Variants in RAD51B observed in about 807,000 individuals in gnomAD.
The protein encoded by RAD51B is DNA repair protein RAD51 homolog 2.
A neutral mutation model predicts 42.2 loss-of-function variants in RAD51B; 38 were observed. That is an observed-to-expected ratio of 0.90 (90% CI 0.70 to 1.18). The LOEUF (loss-of-function observed/expected upper bound fraction) is 1.18, where lower values mean the gene tolerates loss of function less well. RAD51B is among the 50% of genes most tolerant of loss of function. RAD51B has a pLI of 0.00. For synonymous variants in RAD51B, 154 were observed against 145.2 expected, an observed-to-expected ratio of 1.06 and a Z score of -0.43; for missense variants, 373 against 400.7, an observed-to-expected ratio of 0.93 and a Z score of 0.59.
At chr14:68,129,373 C>T (rs1344284021) in intron 7 of RAD51B, among the ~76,000 whole-genome samples, 1 of 152,160 alleles carries the variant, frequency 6.6e-6, no homozygotes, top group Non-Finnish European at 1.5e-5. Flanking sequence ...ACACATGTCA[C>T]ATTATTCTTT....
At chr14:68,513,841 C>T (rs1009686712) in intron 10 of RAD51B, among the ~76,000 whole-genome samples, 5 of 152,208 alleles carry the variant, frequency 3.3e-5, no homozygotes, top group African/African-American at 1.2e-4. Context: ...TTTTGTTCCT[C>T]AGTTTCACTT....
At chr14:68,354,054 A>G (rs983263753) in intron 8 of RAD51B, among the ~76,000 whole-genome samples, 1 of 152,204 alleles carries the variant, frequency 6.6e-6, no homozygotes, top group Non-Finnish European at 1.5e-5. Flanking sequence ...TGACGATAGC[A>G]ATGTTTTCTC....
At chr14:67,967,476 A>C (rs2074804137) in intron 7 of RAD51B, among the ~76,000 whole-genome samples, 1 of 152,204 alleles carries the variant, frequency 6.6e-6, no homozygotes, top group South Asian at 2.1e-4. Context: ...AATCAAAAGC[A>C]AGCTAGTTGT....
chr14:67,834,899 T>C (rs1424580553), intron 3 of RAD51B, among the ~76,000 whole-genome samples, 181 bp from the exon 4 acceptor site: 1 of 152,208 alleles, frequency 6.6e-6, no homozygotes, highest in African/African-American at 2.4e-5. Context: ...TTCTGTTATG[T>C]CATATCCCCA....
chr14:68,129,885 T>G (rs186567742), intron 7 of RAD51B, among the ~76,000 whole-genome samples: 2 of 152,190 alleles, frequency 1.3e-5, no homozygotes, highest in Non-Finnish European at 2.9e-5. Flanking sequence ...GAACAACATT[T>G]TGAGGATCAT....
chr14:67,879,159 A>G (rs1327431282), intron 5 of RAD51B, among the ~76,000 whole-genome samples: 1 of 152,242 alleles, frequency 6.6e-6, no homozygotes, highest in Non-Finnish European at 1.5e-5. Context: ...TGGAAAGGGC[A>G]GGCTAGAACT....
At chr14:68,133,420 C>G (rs938420496) in intron 7 of RAD51B, among the ~76,000 whole-genome samples, 1 of 152,126 alleles carries the variant, frequency 6.6e-6, no homozygotes, top group East Asian at 1.9e-4. Context: ...AAAAATGGAA[C>G]CTGTGGCTTT....
At chr14:68,057,513 C>A (rs954322270) in intron 7 of RAD51B, among the ~76,000 whole-genome samples, 3 of 151,978 alleles carry the variant, frequency 2.0e-5, no homozygotes, top group African/African-American at 4.8e-5. Context: ...AAAACAGGAT[C>A]ACATTATAAA....
chr14:68,449,231 C>T (rs1286346412), intron 9 of RAD51B, among the ~76,000 whole-genome samples: 2 of 152,074 alleles, frequency 1.3e-5, no homozygotes, highest in Non-Finnish European at 2.9e-5. Flanking sequence ...AACAACAAAA[C>T]TTTGTTTCAA....
rs192786236 is a variant in RAD51B, at chr14:68,375,084, G to A, written c.854-36340G>A. On this transcript the variant is annotated intron_variant, in intron 8 of 10. Transcript: ENST00000471583. ...ACAGTCATGGTTTGTAAAGGTTAGT[G>A]CAGATGGAACTGCTTCAACAACCAA... Among the ~76,000 whole-genome samples, 71 of 152,008 alleles carry A rather than the reference G, an allele frequency of 4.7e-4. 1 individual carries two copies. Among genetic ancestry groups the A allele is most frequent in the Admixed American group, 4.1e-3 (63 of 15,270 alleles).
intron 7 of RAD51B, among the ~76,000 whole-genome samples, chr14:67,893,495 CACACACACACACACAAAAA>C (rs1406071758): frequency 3.2e-4 from 25 of 77,610 alleles, no homozygotes; most frequent in African/African-American, 1.7e-3. Context: ...CACACACACA[CACACACACACACACAAAAA>C]AAAACAATTA....
chr14:68,371,094 G>A (rs1239414885), intron 8 of RAD51B, among the ~76,000 whole-genome samples: 1 of 147,418 alleles, frequency 6.8e-6, no homozygotes, highest in African/African-American at 2.5e-5. Context: ...AGAATTATCT[G>A]TGTATTTTTT....
intron 8 of RAD51B, among the ~76,000 whole-genome samples, chr14:68,310,315 G>A (rs1316226592): frequency 6.6e-6 from 1 of 152,152 alleles, no homozygotes; most frequent in Admixed American, 6.5e-5. Flanking sequence ...TCTGAGGGCT[G>A]TTTTCCCCTT....
At chr14:67,855,588 T>A (rs1196371894) in intron 4 of RAD51B, among the ~76,000 whole-genome samples, 1 of 152,008 alleles carries the variant, frequency 6.6e-6, no homozygotes, top group East Asian at 1.9e-4. Flanking sequence ...GCCTACATGA[T>A]CACAGGAAAT....
At chr14:68,548,499 C>A (rs1168796250) in intron 10 of RAD51B, among the ~76,000 whole-genome samples, 4 of 152,244 alleles carry the variant, frequency 2.6e-5, no homozygotes, top group Non-Finnish European at 4.4e-5. Context: ...TTGATTTACT[C>A]CGCAGGAGCT....
chr14:68,061,889 T>C (rs1255291243), intron 7 of RAD51B, among the ~76,000 whole-genome samples: 1 of 152,232 alleles, frequency 6.6e-6, no homozygotes, highest in Non-Finnish European at 1.5e-5. Flanking sequence ...GCCTTTTATT[T>C]CTTTCTTTTG....
rs530164406 is a variant in RAD51B, at chr14:67,933,506, G to A, written c.756+46302G>A. Among the ~76,000 whole-genome samples, 122 of 152,268 alleles carry A rather than the reference G, an allele frequency of 8.0e-4. 1 individual carries two copies. Among genetic ancestry groups the A allele is most frequent in the African/African-American group, 2.9e-3 (120 of 41,542 alleles). On this transcript the variant is annotated intron_variant, in intron 7 of 10. Coordinates refer to ENST00000471583, the MANE Select transcript of RAD51B (RefSeq NM_133510.4). ...TGTGGGTCTCCAGATCACCACCCTT[G>A]CTAGTATCAGGGTTTGTGTGGGTAG...
rs181710816 is a variant in RAD51B at position 68,107,298 on chromosome 14, A to G, written c.757-184586A>G. Among the ~76,000 whole-genome samples the G allele has an allele frequency of 6.6e-5, 10 of 152,012 alleles. No homozygotes were observed. The East Asian group carries it at 1.9e-3, about 29-fold the overall frequency. The stretch of plus-strand genomic sequence containing the variant: ...AGGAATAAATTGAACCCCCAAAAGT[A>G]TAAGATTTGCACACTGAAAATTATA... On this transcript the variant is annotated intron_variant, in intron 7 of 10. Transcript: ENST00000471583.
rs114464756 is a variant in RAD51B, at chr14:68,155,575, C to T, written c.757-136309C>T. On this transcript the variant is annotated intron_variant, in intron 7 of 10. Transcript: ENST00000471583. ...TGTTATTTGGGCTTCACTGGGGAAC[C>T]AAGTGATTTTTGGCAAGAGAAGAAG... is the stretch of plus-strand genomic sequence containing the variant. Among the ~76,000 whole-genome samples, 1,255 of 152,046 alleles carry T rather than the reference C, an allele frequency of 8.3e-3. 17 individuals carry two copies. Among genetic ancestry groups the T allele is most frequent in the African/African-American group, 0.029 (1,193 of 41,462 alleles).
Sources: allele counts gnomAD v4.1 joint callset (sites outside exome capture counted in the v4.1 genomes callset), GRCh38; gene constraint gnomAD v4.1.1; transcripts MANE v1.5; gene names NCBI Gene and HGNC (gene_info 2026-07-23, HGNC 2026-07-21).